The following EIF3A variants were observed in gnomAD, a reference collection of about 807,000 sequenced individuals.
The protein encoded by EIF3A is eukaryotic translation initiation factor 3 subunit A, also known as EIF3, p180 subunit.
Under a neutral mutation model 186.6 loss-of-function variants are expected in EIF3A, and 21 were observed. That is an observed-to-expected ratio of 0.11 (90% CI 0.08 to 0.16). The LOEUF (loss-of-function observed/expected upper bound fraction) is 0.16, where lower values mean the gene tolerates loss of function less well. Among genes scored for constraint, EIF3A ranks in the 10% least tolerant of loss-of-function variants. The pLI, the probability that EIF3A is intolerant of heterozygous loss-of-function variation, is 1.00. For synonymous variants in EIF3A, 563 were observed against 584.3 expected, an observed-to-expected ratio of 0.96 and a Z score of 0.52; for missense variants, 1,306 against 1,796.3, an observed-to-expected ratio of 0.73 and a Z score of 4.93.
intron 17 of EIF3A, among the ~76,000 whole-genome samples, chr10:119,048,447 G>A (rs1848310606): frequency 6.6e-6 from 1 of 152,112 alleles, no homozygotes; most frequent in African/African-American, 2.4e-5. Context: ...GGGAACACAG[G>A]TCCGTTTTGA....
chr10:119,054,486 G>A (rs1335706519), intron 14 of EIF3A, among the ~76,000 whole-genome samples: 1 of 150,610 alleles, frequency 6.6e-6, no homozygotes, highest in South Asian at 2.1e-4. Context: ...AGGCCGAGAT[G>A]AGCAGATCAC....
At chr10:119,074,485 T>TA (rs1844126193) in intron 1 of EIF3A, among the ~76,000 whole-genome samples, 4 of 150,976 alleles carry the variant, frequency 2.6e-5, no homozygotes, top group Admixed American at 2.0e-4. Context: ...AAAAATAAAA[T>TA]AAATAATGTG....
rs1278747906 is a variant in EIF3A at position 119,073,434 on chromosome 10, C to T, written c.377+7G>A. 6.3e-7 allele frequency: 1 copy of T among 1,588,716 alleles called. No homozygotes were observed. The highest frequency in any genetic ancestry group is 1.3e-5 in the African/African-American group (1 of 74,096). ...CAAAGCATTTATTAGAGGTCTAACC[C>T]ACATACCTCTCAGGAGTTTGAATAT... On this transcript the variant is annotated splice_region_variant and intron_variant, in intron 3 of 21. Coordinates refer to ENST00000369144, the MANE Select transcript of EIF3A (RefSeq NM_003750.4).
At position 119,042,409 on chromosome 10, in the gene EIF3A, T is replaced by A. The variant is rs1848222098; in HGVS notation, c.3111A>T (p.Gly1037=). 1 of 1,613,962 alleles carries A rather than the reference T, an allele frequency of 6.2e-7. No homozygotes were observed. Among genetic ancestry groups the A allele is most frequent in the Admixed American group, 1.7e-5 (1 of 60,010 alleles). The part of the protein sequence containing the change: ...GSWRTADEDR[G]PRRGMDDDRG... Reference sequence around the variant, plus strand: ...GGTCATCATCCATCCCACGTCTTGGTCCTCTGTCCTCATCAGCTGTTCGCC... The same window carrying A: ...GGTCATCATCCATCCCACGTCTTGGACCTCTGTCCTCATCAGCTGTTCGCC... The change falls in exon 19 of 22, where the codon GGA becomes GGT. Residue 1037 remains glycine, a synonymous_variant. Coordinates refer to ENST00000369144, the MANE Select transcript of EIF3A (RefSeq NM_003750.4). The surrounding 1 kb of genome is among the most constrained non-coding windows in gnomAD (Gnocchi z 7.8).
intron 7 of EIF3A, among the ~76,000 whole-genome samples, chr10:119,062,743 C>CTTTTTTTTTTTT (rs372690463): frequency 2.2e-5 from 2 of 91,048 alleles, no homozygotes; most frequent in Non-Finnish European, 4.0e-5. Flanking sequence ...AAGAGATCAC[C>CTTTTTTTTTTTT]TTTTTTTTTT....
rs761796134 is a variant in EIF3A at position 119,056,932 on chromosome 10, T to C, written c.2082+4A>G. 1 of 1,605,726 alleles carries C rather than the reference T, an allele frequency of 6.2e-7. No individual in the cohort carries two copies. Among genetic ancestry groups the C allele is most frequent in the South Asian group, 1.1e-5 (1 of 90,598 alleles). On this transcript the variant is annotated splice_donor_region_variant and intron_variant, in intron 13 of 21. Coordinates refer to ENST00000369144, the MANE Select transcript of EIF3A (RefSeq NM_003750.4). ...GTTAAAGGTTTACCAACCCTTTCATTTACCTTCTTTTCTTGATTCTTTAGG... is the reference window on the plus strand; with the variant it reads ...GTTAAAGGTTTACCAACCCTTTCATCTACCTTCTTTTCTTGATTCTTTAGG...
chr10:119,075,666 A>ATG (rs1166969733), intron 1 of EIF3A, among the ~76,000 whole-genome samples: 5 of 137,356 alleles, frequency 3.6e-5, no homozygotes, highest in Non-Finnish European at 7.8e-5. Flanking sequence ...ATATATATAT[A>ATG]TCTCCTTTTT....
chr10:119,040,611 C>CT (rs1206163356), intron 19 of EIF3A, among the ~76,000 whole-genome samples: 2 of 152,204 alleles, frequency 1.3e-5, no homozygotes, highest in Non-Finnish European at 2.9e-5. Context: ...TGGCTCACGC[C>CT]TGTAATCCTA....
In EIF3A at chr10:119,065,576, G is replaced by A; in HGVS notation, c.951-6C>T. The A allele has an allele frequency of 4.4e-6, 7 of 1,587,642 alleles. No individual in the cohort carries two copies. Among genetic ancestry groups the A allele is most frequent in the African/African-American group, 1.4e-5 (1 of 73,854 alleles). On this transcript the variant is annotated splice_region_variant and splice_polypyrimidine_tract_variant and intron_variant, in intron 6 of 21. Coordinates refer to ENST00000369144, the MANE Select transcript of EIF3A (RefSeq NM_003750.4). ...AAAGGACTCTAGTAGACATTCTATGGAGAACAAAGTTTTAAATCTGTTAGG... is the reference window on the plus strand; with the variant it reads ...AAAGGACTCTAGTAGACATTCTATGAAGAACAAAGTTTTAAATCTGTTAGG...
intron 1 of EIF3A, among the ~76,000 whole-genome samples, chr10:119,077,063 C>G (rs1388269755): frequency 6.6e-6 from 1 of 151,920 alleles, no homozygotes; most frequent in East Asian, 1.9e-4. Flanking sequence ...TTAAGAAAAT[C>G]ACAGCAGCAG....
chr10:119,079,846 T>G (rs1019470143), intron 1 of EIF3A, among the ~76,000 whole-genome samples: 1 of 152,090 alleles, frequency 6.6e-6, no homozygotes, highest in Non-Finnish European at 1.5e-5. Flanking sequence ...ACTCCCGGAG[T>G]GACCTTGGGG....
intron 16 of EIF3A, among the ~76,000 whole-genome samples, 173 bp downstream of exon 16, chr10:119,050,348 G>A (rs1172678374): frequency 4.6e-5 from 7 of 152,150 alleles, no homozygotes; most frequent in Non-Finnish European, 1.0e-4. Flanking sequence ...GGAAATGCTG[G>A]CAGACGATGT....
At chr10:119,052,876 C>A (rs1334471482) in intron 14 of EIF3A, among the ~76,000 whole-genome samples, 1 of 152,216 alleles carries the variant, frequency 6.6e-6, no homozygotes, top group Admixed American at 6.5e-5. Flanking sequence ...AGGTTTTCAA[C>A]GTACTTTGCC....
intron 6 of EIF3A, among the ~76,000 whole-genome samples, chr10:119,066,432 C>A (rs574580182): frequency 1.5e-5 from 2 of 131,144 alleles, no homozygotes; most frequent in African/African-American, 5.7e-5. Context: ...TCAGTTGAAC[C>A]CAGGAGGCGG....
At chr10:119,059,064 T>C (rs928571351) in intron 11 of EIF3A, 148 bp downstream of exon 11, 71 of 676,586 alleles carry the variant, frequency 1.0e-4, no homozygotes, top group Non-Finnish European at 2.8e-5. Flanking sequence ...TTTGATCAAA[T>C]AACAAAACTA....
chr10:119,063,486 TGA>T (rs1032476160), intron 7 of EIF3A, among the ~76,000 whole-genome samples: 4 of 152,210 alleles, frequency 2.6e-5, no homozygotes, highest in Admixed American at 1.3e-4. Context: ...CAAAAATATC[TGA>T]GAGAGCCTGC....
chr10:119,037,199 C>T lies in EIF3A; in HGVS notation c.3839G>A (p.Arg1280Gln), dbSNP rs1397394876. 4 of 1,613,748 alleles carry T rather than the reference C, an allele frequency of 2.5e-6. No homozygotes were observed. The highest frequency in any genetic ancestry group is 1.7e-5 in the Admixed American group (1 of 59,968). The change falls in exon 21 of 22, where the codon CGG becomes CAG. Residue 1280 changes from arginine to glutamine, a missense_variant. By Grantham distance (43) the Arg-to-Gln change is conservative (BLOSUM62 1). Transcript: ENST00000369144. The part of the protein sequence containing the change: ...RDDRRRERDD[R>Q]RDLRERRDLR... ...ATCTCGTCTTTCTCTTAGATCACGC[C>T]GGTCATCCCTCTCACGGCGACGGTC...
rs1027354301 is a variant in EIF3A at position 119,034,018 on chromosome 10, G to A, written c.*2021C>T. On this transcript the variant is annotated 3_prime_UTR_variant, in exon 22 of 22. Transcript: ENST00000369144. ...GATGTCTCTACTACTGGATCTATCT[G>A]TATTAACAGCAATGTTACTCTCAAT... 4 of 167,070 alleles carry A rather than the reference G, an allele frequency of 2.4e-5. No homozygotes were observed. Among genetic ancestry groups the A allele is most frequent in the African/African-American group, 9.7e-5 (4 of 41,436 alleles). 10.3% of individuals were successfully genotyped at this position (167,070 alleles called of 1,614,324 possible).
intron 19 of EIF3A, 75 bp from the exon 20 acceptor site, chr10:119,038,514 G>A (rs746149901): frequency 4.3e-5 from 52 of 1,215,274 alleles, no homozygotes; most frequent in African/African-American, 3.2e-4. Flanking sequence ...ATGAATAGAC[G>A]TTGGCATTAA....
Sources: gnomAD v4.1 joint callset for allele counts (sites outside exome capture counted in the v4.1 genomes callset) on GRCh38, gnomAD v4.1.1 for gene constraint, Gnocchi (gnomAD v3.1) non-coding constraint, MANE v1.5 for transcripts, NCBI Gene and HGNC (gene_info 2026-07-23, HGNC 2026-07-21) for gene names.